Variants in NPAS3 observed in about 807,000 individuals in gnomAD.
NPAS3 encodes neuronal PAS domain protein 3.
In NPAS3, 14 loss-of-function variants were observed where a neutral mutation model predicts 73.1. The observed-to-expected ratio is 0.19, with a 90% CI of 0.13 to 0.30. The LOEUF (loss-of-function observed/expected upper bound fraction) is 0.30, where lower values mean the gene tolerates loss of function less well. Ranked by LOEUF, NPAS3 falls within the 10% of genes least tolerant of loss-of-function variation. NPAS3 has a pLI of 1.00. For missense variants in NPAS3, 1,096 were observed against 1,250.0 expected, an observed-to-expected ratio of 0.88 and a Z score of 1.86; for synonymous variants, 620 against 541.5, an observed-to-expected ratio of 1.14 and a Z score of -2.01.
intron 9 of NPAS3, among the ~76,000 whole-genome samples, chr14:33,785,108 C>T (rs1164154051): frequency 6.6e-6 from 1 of 151,630 alleles, no homozygotes; most frequent in East Asian, 1.9e-4. Context: ...TAACCCATTG[C>T]TCTTATAAGG....
chr14:33,692,404 AAG>A (rs2060258533), intron 6 of NPAS3, among the ~76,000 whole-genome samples: 1 of 152,186 alleles, frequency 6.6e-6, no homozygotes, highest in Non-Finnish European at 1.5e-5. Flanking sequence ...TGGATACCAA[AAG>A]AGGTTTTTAT....
intron 5 of NPAS3, among the ~76,000 whole-genome samples, chr14:33,611,434 G>A (rs892112770): frequency 8.5e-5 from 13 of 152,110 alleles, no homozygotes; most frequent in Admixed American, 7.2e-4. Flanking sequence ...CATGAGAAGA[G>A]AAAACGTAGA....
At position 33,567,700 on chromosome 14, in the gene NPAS3, A is replaced by G. The variant is rs560859939; in HGVS notation, c.558+7490A>G. 7.9e-5 allele frequency among the ~76,000 whole-genome samples: 12 copies of G among 152,254 alleles called. 1 individual carries two copies. Among genetic ancestry groups the G allele is most frequent in the Admixed American group, 4.6e-4 (7 of 15,286 alleles). The stretch of plus-strand genomic sequence containing the variant: ...CTTAGCCTGAATGCACTGCGTGGGG[A>G]TGTTTTACTTATTTTAACTCCAAAT... On this transcript the variant is annotated intron_variant, in intron 5 of 11. Transcript: ENST00000356141.
chr14:33,599,173 T>A (rs998249244), intron 5 of NPAS3, among the ~76,000 whole-genome samples: 9 of 152,198 alleles, frequency 5.9e-5, no homozygotes, highest in African/African-American at 2.2e-4. Flanking sequence ...TGTTTATGTG[T>A]CCGTATTTAT....
chr14:33,118,641 T>A (rs1779900404), intron 2 of NPAS3, among the ~76,000 whole-genome samples: 1 of 152,148 alleles, frequency 6.6e-6, no homozygotes, highest in South Asian at 2.1e-4. Context: ...ATTCATTAAT[T>A]ATCTTTTGTA....
At chr14:33,019,946 A>T (rs1477958901) in intron 1 of NPAS3, among the ~76,000 whole-genome samples, 4 of 152,350 alleles carry the variant, frequency 2.6e-5, no homozygotes, top group African/African-American at 9.6e-5. Flanking sequence ...CCTTTATATG[A>T]GTCTCTTTTC....
intron 2 of NPAS3, among the ~76,000 whole-genome samples, chr14:33,170,296 T>C (rs1221929866): frequency 1.3e-5 from 2 of 152,186 alleles, no homozygotes; most frequent in African/African-American, 4.8e-5. Flanking sequence ...AAAGCGTATG[T>C]CTTAATTAAA....
intron 5 of NPAS3, among the ~76,000 whole-genome samples, chr14:33,660,318 C>T (rs2059270341): frequency 6.6e-6 from 1 of 152,180 alleles, no homozygotes; most frequent in Admixed American, 6.5e-5. Context: ...AGTTCCTTCT[C>T]CAGCTTTTAT....
chr14:33,733,873 A>G (rs2061459716), intron 6 of NPAS3, among the ~76,000 whole-genome samples: 1 of 152,182 alleles, frequency 6.6e-6, no homozygotes, highest in Admixed American at 6.5e-5. Flanking sequence ...ATAGGAAAAC[A>G]TAGTCATGTT....
At chr14:33,620,894 G>A (rs1258922785) in intron 5 of NPAS3, among the ~76,000 whole-genome samples, 1 of 152,120 alleles carries the variant, frequency 6.6e-6, no homozygotes, top group Non-Finnish European at 1.5e-5. Context: ...GTTAACAGAT[G>A]CTTCTGAGAA....
intron 4 of NPAS3, among the ~76,000 whole-genome samples, chr14:33,545,604 G>A (rs574530216): frequency 6.6e-6 from 1 of 152,286 alleles, no homozygotes; most frequent in African/African-American, 2.4e-5. Context: ...AATGTTTGAA[G>A]TGTTCCCATT....
chr14:33,696,816 T>C (rs2060396590), intron 6 of NPAS3, among the ~76,000 whole-genome samples: 1 of 152,218 alleles, frequency 6.6e-6, no homozygotes, highest in South Asian at 2.1e-4. Context: ...TATGACTTCA[T>C]GATGATTTGT....
intron 3 of NPAS3, among the ~76,000 whole-genome samples, chr14:33,311,777 T>C (rs1013779135): frequency 1.3e-5 from 2 of 152,086 alleles, no homozygotes; most frequent in Non-Finnish European, 2.9e-5. Context: ...TTAATACCTA[T>C]GGGTGATACA....
intron 2 of NPAS3, among the ~76,000 whole-genome samples, chr14:33,158,349 G>A (rs1053261782): frequency 1.3e-5 from 2 of 152,198 alleles, no homozygotes; most frequent in African/African-American, 4.8e-5. Context: ...ACATGCTGAG[G>A]TGTGAGGACC....
intron 5 of NPAS3, among the ~76,000 whole-genome samples, chr14:33,673,796 G>A (rs1312566864): frequency 6.6e-6 from 1 of 152,194 alleles, no homozygotes; most frequent in Non-Finnish European, 1.5e-5. Flanking sequence ...TTTTAGAAGA[G>A]GAAACTGAAG....
intron 2 of NPAS3, among the ~76,000 whole-genome samples, chr14:33,135,106 C>G (rs560973767): frequency 4.9e-4 from 74 of 152,284 alleles, no homozygotes; most frequent in African/African-American, 1.7e-3. Context: ...TTCATGTAAT[C>G]CTGTCTATTG....
chr14:33,458,469 C>G (rs1309135214), intron 4 of NPAS3, among the ~76,000 whole-genome samples: 2 of 152,088 alleles, frequency 1.3e-5, no homozygotes, highest in East Asian at 3.9e-4. Context: ...AAAAGAAATA[C>G]CATGAAGTTC....
chr14:33,678,860 T>C (rs1022705750), intron 6 of NPAS3, among the ~76,000 whole-genome samples: 3 of 152,008 alleles, frequency 2.0e-5, no homozygotes, highest in African/African-American at 7.3e-5. Context: ...ATAAGAACTC[T>C]CATAAATCCC....
chr14:33,487,963 A>T (rs1279418207), intron 4 of NPAS3, among the ~76,000 whole-genome samples: 1 of 152,156 alleles, frequency 6.6e-6, no homozygotes, highest in Admixed American at 6.5e-5. Context: ...TATTTGTTGA[A>T]TGGATGAATT....
Sources: gnomAD v4.1 joint callset for allele counts (sites outside exome capture counted in the v4.1 genomes callset) on GRCh38, gnomAD v4.1.1 for gene constraint, MANE v1.5 for transcripts, NCBI Gene and HGNC (gene_info 2026-07-23, HGNC 2026-07-21) for gene names.